Variants in DNAAF5 observed in about 807,000 individuals in gnomAD.
DNAAF5 encodes dynein axonemal assembly factor 5.
In DNAAF5, 64 loss-of-function variants were observed where a neutral mutation model predicts 75.8. The observed-to-expected ratio is 0.84, with a 90% CI of 0.69 to 1.04. The LOEUF (loss-of-function observed/expected upper bound fraction) is 1.04, where lower values mean the gene tolerates loss of function less well. DNAAF5 is among the 50% of genes least tolerant of loss of function. The pLI is 0.00. For missense variants in DNAAF5, 1,269 were observed against 1,178.5 expected (o/e 1.08, Z -1.12); for synonymous variants, 657 against 557.2 (o/e 1.18, Z -2.52).
intron 7 of DNAAF5, among the ~76,000 whole-genome samples, chr7:763,433 CTT>C (rs1782726640): frequency 6.6e-6 from 1 of 152,188 alleles, no homozygotes. Context: ...GGGCTTAACT[CTT>C]TAAGCCACTT....
chr7:750,229 G>T (rs1355401766), intron 4 of DNAAF5, among the ~76,000 whole-genome samples: 1 of 152,230 alleles, frequency 6.6e-6, no homozygotes, highest in African/African-American at 2.4e-5. Flanking sequence ...CGTGGCCTAG[G>T]AGCCTCACAG....
chr7:752,307 G>A (rs1332270908), intron 4 of DNAAF5, among the ~76,000 whole-genome samples: 129 of 151,208 alleles, frequency 8.5e-4, no homozygotes, highest in East Asian at 6.0e-3. Flanking sequence ...CTTTGTGACA[G>A]TGGGCCGGGC....
intron 4 of DNAAF5, among the ~76,000 whole-genome samples, chr7:750,049 C>G (rs756530566): frequency 6.6e-6 from 1 of 152,204 alleles, no homozygotes; most frequent in Non-Finnish European, 1.5e-5. Context: ...GAACCATGTT[C>G]AGAAGCATGT....
At chr7:744,194 G>C (rs990371904) in intron 4 of DNAAF5, among the ~76,000 whole-genome samples, 1 of 152,070 alleles carries the variant, frequency 6.6e-6, no homozygotes, top group African/African-American at 2.4e-5. Flanking sequence ...GCGGCGTTTG[G>C]TTTTTTGTTC....
Position 727,360 on chromosome 7 carries a change from A to AC in DNAAF5, c.595+50dup. 3.6e-6 allele frequency: 3 copies of AC among 837,558 alleles called. No individual in the cohort carries two copies. In the South Asian group the frequency reaches 1.6e-4, roughly 46 times the overall value. The allele number at this position is 837,558 out of a possible 1,614,324, so 51.9% of individuals were successfully genotyped here. The stretch of plus-strand genomic sequence containing the variant: ...CTCCCACACGCCACCCCACACTCTC[A>AC]CCCCCACCTCCACCTCCGCGGCCCC... On this transcript the variant is annotated intron_variant, in intron 1 of 12. Coordinates refer to ENST00000297440, the MANE Select transcript of DNAAF5 (RefSeq NM_017802.4).
intron 9 of DNAAF5, 89 bp downstream of exon 9, chr7:770,707 G>T: frequency 7.7e-7 from 1 of 1,304,818 alleles, no homozygotes. Context: ...ACTGAGCAAG[G>T]GGGTTCCCAC....
chr7:741,521 A>G, intron 4 of DNAAF5, 56 bp downstream of exon 4: 1 of 1,101,334 alleles, frequency 9.1e-7, no homozygotes, highest in Non-Finnish European at 1.3e-6. Context: ...TGGGTGGGAA[A>G]GGGGCTTCTG....
At chr7:748,617 GCT>G (rs1353946699) in intron 4 of DNAAF5, among the ~76,000 whole-genome samples, 2 of 151,944 alleles carry the variant, frequency 1.3e-5, no homozygotes, top group African/African-American at 4.8e-5. Flanking sequence ...CATCCCCCCT[GCT>G]CTGTTTCCTC....
Position 774,068 on chromosome 7 carries a change from A to C in DNAAF5, c.1952A>C (p.Glu651Ala), listed in dbSNP as rs1778669259. The change falls in exon 10 of 13, where the codon GAG (glutamate) becomes GCG (alanine). Residue 651 changes from glutamate to alanine, a missense_variant. Glu to Ala is a moderately radical substitution (Grantham distance 107). Coordinates refer to ENST00000297440, the MANE Select transcript of DNAAF5 (RefSeq NM_017802.4). ...NSQGQFPSYL[E>A]TVTKDILAPN... ...TCCAGGCAGTTTCCCAGCTACCTCG[A>C]GACGGTGACAAAGGACATCCTGGCC... 6.2e-7 allele frequency: 1 copy of C among 1,613,988 alleles called. No individual in the cohort carries two copies. Among genetic ancestry groups the C allele is most frequent in the African/African-American group, 1.3e-5 (1 of 75,024 alleles).
At chr7:758,068 G>T (rs1045446010) in intron 6 of DNAAF5, among the ~76,000 whole-genome samples, 4 of 152,248 alleles carry the variant, frequency 2.6e-5, no homozygotes, top group Non-Finnish European at 5.9e-5. Context: ...AGGGAGCGGG[G>T]GAGGGGCCCG....
At chr7:757,847 C>T (rs564627847) in intron 6 of DNAAF5, among the ~76,000 whole-genome samples, 5 of 152,326 alleles carry the variant, frequency 3.3e-5, no homozygotes, top group South Asian at 2.1e-4. Context: ...CCGGCTCGAT[C>T]GTTTCCGGCG....
chr7:744,332 T>A lies in DNAAF5; in HGVS notation c.1024+2867T>A, dbSNP rs1307786057. Among the ~76,000 whole-genome samples the A allele has an allele frequency of 9.2e-5, 14 of 152,318 alleles. No individual in the cohort carries two copies. The South Asian group carries it at 2.7e-3, about 29-fold the overall frequency. The stretch of plus-strand genomic sequence containing the variant: ...TATGTACCACGTTTTCTTAATCCAG[T>A]CTATCATTGTTGGACATTTGGGTTG... On this transcript the variant is annotated intron_variant, in intron 4 of 12. Coordinates refer to ENST00000297440, the MANE Select transcript of DNAAF5 (RefSeq NM_017802.4).
intron 6 of DNAAF5, among the ~76,000 whole-genome samples, chr7:761,344 T>C (rs1782637164): frequency 6.6e-6 from 1 of 152,238 alleles, no homozygotes; most frequent in South Asian, 2.1e-4. Context: ...GCCCTGACAC[T>C]GGGGCCGGAG....
chr7:734,381 G>A (rs888902058), intron 2 of DNAAF5, among the ~76,000 whole-genome samples: 5 of 152,134 alleles, frequency 3.3e-5, no homozygotes, highest in African/African-American at 4.8e-5. Context: ...TCATTCTGCC[G>A]ATATGATGTG....
chr7:747,453 G>A (rs1782154715), intron 4 of DNAAF5, among the ~76,000 whole-genome samples: 1 of 152,178 alleles, frequency 6.6e-6, no homozygotes. Flanking sequence ...TGTCCGGCTG[G>A]TGTGCAGTGG....
chr7:763,738 C>T lies in DNAAF5; in HGVS notation c.1615-68C>T, dbSNP rs1024836566. Reference sequence around the variant, plus strand: ...CTTACGCGTGAGGGGGATAGTGAGTCCCAGCAGGCAGGCAGGCTTGAGCCC... The same window carrying T: ...CTTACGCGTGAGGGGGATAGTGAGTTCCAGCAGGCAGGCAGGCTTGAGCCC... On this transcript the variant is annotated intron_variant, in intron 7 of 12. Coordinates refer to ENST00000297440, the MANE Select transcript of DNAAF5 (RefSeq NM_017802.4). The T allele has an allele frequency of 1.9e-5, 30 of 1,540,602 alleles. No homozygotes were observed. The African/African-American group carries it at 2.4e-4, about 13-fold the overall frequency.
intron 1 of DNAAF5, among the ~76,000 whole-genome samples, chr7:729,132 G>A (rs1218645482): frequency 6.6e-6 from 1 of 152,150 alleles, no homozygotes; most frequent in Non-Finnish European, 1.5e-5. Context: ...AAGTAGCTGG[G>A]ATTACAGGCG....
At chr7:783,339 G>A (rs1158054543) in intron 12 of DNAAF5, among the ~76,000 whole-genome samples, 2 of 152,180 alleles carry the variant, frequency 1.3e-5, no homozygotes, top group African/African-American at 2.4e-5. Context: ...CCGTGTGCTC[G>A]AGGGTGAGTG....
intron 8 of DNAAF5, chr7:769,238 C>T (rs767749095): frequency 9.4e-5 from 71 of 753,174 alleles, no homozygotes; most frequent in Non-Finnish European, 8.4e-5. Context: ...AGCCAGTGGA[C>T]GCTCCCTCTA....
Sources: allele counts gnomAD v4.1 joint callset (sites outside exome capture counted in the v4.1 genomes callset), GRCh38; gene constraint gnomAD v4.1.1; transcripts MANE v1.5; gene names NCBI Gene and HGNC (gene_info 2026-07-23, HGNC 2026-07-21).